CSMD2: variants seen among roughly 807,000 people sequenced by gnomAD.
CSMD2 encodes CUB and Sushi multiple domains 2, also known as CUB and sushi domain-containing protein 2.
A neutral mutation model predicts 398.5 loss-of-function variants in CSMD2; 130 were observed. The observed-to-expected ratio is 0.33, with a 90% CI of 0.28 to 0.38. The LOEUF (loss-of-function observed/expected upper bound fraction) is 0.38. CSMD2 is among the 10% of genes least tolerant of loss of function. CSMD2 has a pLI of 1.00. For missense variants in CSMD2, 3,829 were observed against 4,764.9 expected (o/e 0.80, Z 5.78); for synonymous variants, 1,828 against 1,908.5 (o/e 0.96, Z 1.10).
chr1:33,524,945 C>G lies in CSMD2; in HGVS notation c.10333G>C (p.Val3445Leu). Residue 3445 changes from valine to leucine, a missense_variant, in exon 66 of 71, where the codon GTT becomes CTT. Val to Leu is a conservative substitution (Grantham distance 32). Transcript: ENST00000373381. ...PAMLRVTGFQ[V>L]ANSKVNATMI... ...GTGGCATTGACCTTGCTGTTGGCAACTTGGAAGCCAGTCACTCTGAGCATG... is the reference window on the plus strand; with the variant it reads ...GTGGCATTGACCTTGCTGTTGGCAAGTTGGAAGCCAGTCACTCTGAGCATG... The G allele has an allele frequency of 1.9e-6, 3 of 1,614,258 alleles. No individual in the cohort carries two copies. The highest frequency in any genetic ancestry group is 2.5e-6 in the Non-Finnish European group (3 of 1,180,042).
intron 3 of CSMD2, among the ~76,000 whole-genome samples, chr1:33,983,017 C>T (rs1280396408): frequency 5.3e-5 from 8 of 152,128 alleles, no homozygotes; most frequent in African/African-American, 1.9e-4. Context: ...GAGCAGAGAC[C>T]TGCAGGATCA....
chr1:33,711,539 A>G (rs1425822673), intron 21 of CSMD2, among the ~76,000 whole-genome samples: 1 of 152,212 alleles, frequency 6.6e-6, no homozygotes, highest in Non-Finnish European at 1.5e-5. Context: ...GTGAATCTAC[A>G]TGGATTACCT....
chr1:33,829,032 AG>A (rs1226865584), intron 6 of CSMD2, among the ~76,000 whole-genome samples: 1 of 152,254 alleles, frequency 6.6e-6, no homozygotes, highest in Non-Finnish European at 1.5e-5. Flanking sequence ...GCTTTGAGCT[AG>A]GTCTGAGAGG....
intron 2 of CSMD2, among the ~76,000 whole-genome samples, chr1:34,054,596 C>T (rs998694588): frequency 3.2e-4 from 48 of 152,016 alleles, no homozygotes; most frequent in African/African-American, 1.1e-3. Flanking sequence ...AATAATTAGC[C>T]GGGCGTGGTG....
chr1:33,790,311 C>T (rs1451107774), intron 11 of CSMD2, among the ~76,000 whole-genome samples: 4 of 152,160 alleles, frequency 2.6e-5, no homozygotes, highest in East Asian at 1.9e-4. Flanking sequence ...ACACTGAAAT[C>T]GACAGACTGA....
At chr1:34,140,849 A>AT (rs1234888182) in intron 1 of CSMD2, among the ~76,000 whole-genome samples, 1 of 152,018 alleles carries the variant, frequency 6.6e-6, no homozygotes, top group Non-Finnish European at 1.5e-5. Flanking sequence ...TGGGGCTGGG[A>AT]TTTGAACCCA....
intron 3 of CSMD2, among the ~76,000 whole-genome samples, chr1:33,954,394 T>A (rs1231991731): frequency 2.6e-5 from 4 of 151,718 alleles, no homozygotes; most frequent in Non-Finnish European, 4.4e-5. Flanking sequence ...GGGTGGCAGT[T>A]CTGTTGGTGG....
chr1:34,065,097 A>G (rs923219658), intron 2 of CSMD2, among the ~76,000 whole-genome samples: 1 of 152,152 alleles, frequency 6.6e-6, no homozygotes, highest in African/African-American at 2.4e-5. Context: ...GAGCCAAACC[A>G]TATCAAGGAG....
chr1:33,960,612 G>GTGGAAGCCTGTGCCAGGCACCA (rs1313572725), intron 3 of CSMD2, among the ~76,000 whole-genome samples: 4 of 152,306 alleles, frequency 2.6e-5, no homozygotes, highest in African/African-American at 9.6e-5. Flanking sequence ...GGGTGCTGCA[G>GTGGAAGCCTGTGCCAGGCACCA]TGGAAGCCTG....
chr1:33,918,247 G>C lies in CSMD2; in HGVS notation c.767C>G (p.Pro256Arg). 6.2e-7 allele frequency: 1 copy of C among 1,614,108 alleles called. No individual in the cohort carries two copies. The highest frequency in any genetic ancestry group is 8.5e-7 in the Non-Finnish European group (1 of 1,180,042). Residue 256 changes from proline (P) to arginine (R), a missense_variant, in exon 5 of 71, where the codon CCC (proline) becomes CGC (arginine). By Grantham distance (103) the Pro-to-Arg change is moderately radical (BLOSUM62 -2). Transcript: ENST00000373381. ...LRGQSGIISS[P>R]HFPSEYHNNA... is the part of the protein sequence containing the mutation. ...GTTATGGTACTCCGAGGGGAAGTGG[G>C]GGCTGGAGATGATGCCACTCTGGCC...
chr1:33,826,813 C>A (rs777008800), intron 6 of CSMD2, among the ~76,000 whole-genome samples: 34 of 152,182 alleles, frequency 2.2e-4, no homozygotes, highest in Admixed American at 8.5e-4. Flanking sequence ...TGGTTATATG[C>A]CTTGGAGCAG....
At chr1:34,076,928 A>AAAAAAAAAAAAATATATATATATATATAT (rs1232288848) in intron 2 of CSMD2, among the ~76,000 whole-genome samples, 1 of 53,600 alleles carries the variant, frequency 1.9e-5, no homozygotes, top group African/African-American at 8.6e-5. Flanking sequence ...AAAAAAAAAA[A>AAAAAAAAAAAAATATATATATATATATAT]ATATATATAT....
At chr1:33,844,530 G>A (rs1661177583) in intron 6 of CSMD2, among the ~76,000 whole-genome samples, 1 of 152,220 alleles carries the variant, frequency 6.6e-6, no homozygotes, top group African/African-American at 2.4e-5. Flanking sequence ...TGCGGTCTCA[G>A]TCAGGAAAAC....
chr1:33,550,779 T>C (rs1657371724), intron 55 of CSMD2, among the ~76,000 whole-genome samples: 1 of 152,206 alleles, frequency 6.6e-6, no homozygotes, highest in African/African-American at 2.4e-5. Flanking sequence ...CCCTTTTCCA[T>C]CTGCATCTTA....
chr1:34,076,938 T>A (rs867642320), intron 2 of CSMD2, among the ~76,000 whole-genome samples: 886 of 86,662 alleles, frequency 0.01, 12 homozygotes, highest in African/African-American at 0.021. Flanking sequence ...AATATATATA[T>A]ATATATATAT....
At chr1:34,021,020 G>A (rs1028280695) in intron 3 of CSMD2, among the ~76,000 whole-genome samples, 7 of 152,102 alleles carry the variant, frequency 4.6e-5, no homozygotes, top group African/African-American at 1.4e-4. Context: ...TACCTAATGC[G>A]GTAAGTGCTT....
chr1:33,997,822 C>T (rs1338222375), intron 3 of CSMD2, among the ~76,000 whole-genome samples: 1 of 152,118 alleles, frequency 6.6e-6, no homozygotes, highest in South Asian at 2.1e-4. Context: ...TGGAACTGGG[C>T]TCCTTTGCTT....
At chr1:33,808,929 G>A (rs1478107178) in intron 10 of CSMD2, among the ~76,000 whole-genome samples, 2 of 151,458 alleles carry the variant, frequency 1.3e-5, no homozygotes, top group African/African-American at 2.4e-5. Flanking sequence ...GAGATAGTAT[G>A]TATAACTTTA....
intron 17 of CSMD2, among the ~76,000 whole-genome samples, 175 bp from the exon 18 acceptor site, chr1:33,724,879 A>G (rs1401179638): frequency 6.6e-6 from 1 of 152,188 alleles, no homozygotes; most frequent in Non-Finnish European, 1.5e-5. Context: ...GTGCTATGCT[A>G]AGGCTTAGGA....
Sources: gnomAD v4.1 joint callset for allele counts (sites outside exome capture counted in the v4.1 genomes callset) on GRCh38, gnomAD v4.1.1 for gene constraint, MANE v1.5 for transcripts, NCBI Gene and HGNC (gene_info 2026-07-23, HGNC 2026-07-21) for gene names.